The following IFT140 variants were observed in gnomAD, a reference collection of about 807,000 sequenced individuals.
The protein encoded by IFT140 is intraflagellar transport 140.
A neutral mutation model predicts 164.6 loss-of-function variants in IFT140; 133 were observed. The ratio of observed to expected loss-of-function variants is 0.81; its 90% CI spans 0.70 to 0.93. The LOEUF (loss-of-function observed/expected upper bound fraction) is 0.93. IFT140 is among the 40% of genes least tolerant of loss of function. The pLI is 0.00. For synonymous variants in IFT140, 860 were observed against 817.3 expected, an observed-to-expected ratio of 1.05 and a Z score of -0.89; for missense variants, 2,045 against 1,972.3, an observed-to-expected ratio of 1.04 and a Z score of -0.70.
At chr16:1,521,537 C>T (rs2040526925) in intron 26 of IFT140, among the ~76,000 whole-genome samples, 1 of 151,748 alleles carries the variant, frequency 6.6e-6, no homozygotes, top group Non-Finnish European at 1.5e-5. Context: ...TACAGGCGCC[C>T]GCCACCATGC....
chr16:1,515,068 A>G (rs1241138655), intron 30 of IFT140, among the ~76,000 whole-genome samples: 1 of 152,180 alleles, frequency 6.6e-6, no homozygotes, highest in Admixed American at 6.5e-5. Context: ...AAAGAAAATA[A>G]TGAGCAGTAA....
At chr16:1,541,190 A>C in intron 19 of IFT140, 1 of 985,438 alleles carries the variant, frequency 1.0e-6, no homozygotes. Context: ...AAGGCTGGGC[A>C]CAGGCCTGCT....
rs1167024212 is a variant in IFT140 at position 1,523,523 on chromosome 16, T to G, written c.3448A>C (p.Arg1150=). Residue 1150 remains arginine, a synonymous_variant, in exon 26 of 31, where the codon AGG becomes CGG. Coordinates refer to ENST00000426508, the MANE Select transcript of IFT140 (RefSeq NM_014714.4). ...AGGCCCCGCTGGCCCCGTACCTTCC[T>G]GGCAGCCAGCAGCAGCTCTACCGCC... ...ERAVELLLAA[R]KYQEALQLCL... The G allele has an allele frequency of 1.2e-6, 2 of 1,610,622 alleles. No homozygotes were observed. The highest frequency in any genetic ancestry group is 3.4e-4 in the Middle Eastern group (2 of 5,914).
intron 4 of IFT140, among the ~76,000 whole-genome samples, chr16:1,595,603 GAA>G (rs548658471): frequency 3.6e-5 from 3 of 82,488 alleles, no homozygotes; most frequent in Admixed American, 1.1e-4. Context: ...CTCCATCTCA[GAA>G]AAAAAAAAAA....
intron 19 of IFT140, among the ~76,000 whole-genome samples, chr16:1,554,337 C>A (rs2032916220): frequency 6.6e-6 from 1 of 152,222 alleles, no homozygotes; most frequent in Admixed American, 6.5e-5. Flanking sequence ...ATGAATTAAG[C>A]ATTTACAAAA....
intron 19 of IFT140, chr16:1,542,181 C>A: frequency 1.6e-6 from 2 of 1,285,644 alleles, no homozygotes; most frequent in Non-Finnish European, 2.1e-6. Context: ...AAGCTGCAGG[C>A]CATACCTCTC....
At chr16:1,519,736 T>TG in intron 29 of IFT140, 145 bp downstream of exon 29, 2 of 677,062 alleles carry the variant, frequency 3.0e-6, no homozygotes, top group Non-Finnish European at 2.2e-6. Context: ...CAGGAGGAGG[T>TG]GGGGTGTGTC....
Position 1,569,017 on chromosome 16 carries a change from T to C in IFT140, c.1653-683A>G, listed in dbSNP as rs1344185807. 5.3e-5 allele frequency among the ~76,000 whole-genome samples: 8 copies of C among 150,762 alleles called. No homozygotes were observed. In the East Asian group the frequency reaches 1.6e-3, roughly 30 times the overall value. On this transcript the variant is annotated intron_variant, in intron 14 of 30. Transcript: ENST00000426508. ...AGTGGTAGCTTGTTTTTTTTTTTTTTTTTTTGAGACGGAGTCTCGCCCTGT... is the reference window on the plus strand; with the variant it reads ...AGTGGTAGCTTGTTTTTTTTTTTTTCTTTTTGAGACGGAGTCTCGCCCTGT...
At chr16:1,566,855 C>A (rs942942656) in intron 15 of IFT140, among the ~76,000 whole-genome samples, 2 of 152,138 alleles carry the variant, frequency 1.3e-5, no homozygotes, top group African/African-American at 4.8e-5. Context: ...AGTGGCCCCA[C>A]CTCCCTGGCG....
chr16:1,517,569 G>A (rs1241626012), intron 30 of IFT140, among the ~76,000 whole-genome samples: 2 of 152,220 alleles, frequency 1.3e-5, no homozygotes, highest in African/African-American at 4.8e-5. Context: ...TGGTGGGGAT[G>A]AGGAAAACGC....
chr16:1,559,534 G>A (rs1897521420), intron 18 of IFT140, among the ~76,000 whole-genome samples: 1 of 152,188 alleles, frequency 6.6e-6, no homozygotes, highest in Admixed American at 6.5e-5. Flanking sequence ...AAGACGTCAT[G>A]GCTAGTCCTC....
intron 30 of IFT140, 196 bp downstream of exon 30, chr16:1,518,020 T>C (rs1417520105): frequency 4.0e-6 from 2 of 499,618 alleles, no homozygotes; most frequent in Non-Finnish European, 7.1e-6. Context: ...CCCCTTTTTG[T>C]AGAGATGGGG....
At chr16:1,560,271 G>A (rs952023580) in intron 18 of IFT140, among the ~76,000 whole-genome samples, 5 of 152,154 alleles carry the variant, frequency 3.3e-5, no homozygotes, top group African/African-American at 9.7e-5. Flanking sequence ...TGCCTCCACC[G>A]CAGGGAACAG....
chr16:1,512,073 A>G (rs2141097330), intron 30 of IFT140, among the ~76,000 whole-genome samples: 2 of 143,818 alleles, frequency 1.4e-5, no homozygotes, highest in South Asian at 4.8e-4. Context: ...AGGGCAATCA[A>G]GTGGTTTCCA....
intron 30 of IFT140, among the ~76,000 whole-genome samples, chr16:1,512,495 T>C (rs895502438): frequency 6.6e-6 from 1 of 152,164 alleles, no homozygotes; most frequent in Non-Finnish European, 1.5e-5. Context: ...CTCGAGTTAC[T>C]AAATTCCACA....
At chr16:1,552,070 C>T (rs2032693143) in intron 19 of IFT140, among the ~76,000 whole-genome samples, 1 of 152,186 alleles carries the variant, frequency 6.6e-6, no homozygotes, top group South Asian at 2.1e-4. Context: ...ATGGGGGGCA[C>T]AATCCCTTTC....
rs562951061 is a variant in IFT140, at chr16:1,512,521, TAGAG to T, written c.4183-1375_4183-1372del. ...AAATTCCACAGGCTTCAAGCAACCA[TAGAG>T]AGAATAAAGAAGTTGGCGAAATATT... On this transcript the variant is annotated intron_variant, in intron 30 of 30. Coordinates refer to ENST00000426508, the MANE Select transcript of IFT140 (RefSeq NM_014714.4). Among the ~76,000 whole-genome samples, 8 of 152,236 alleles carry T rather than the reference TAGAG, an allele frequency of 5.3e-5. No individual in the cohort carries two copies. In the South Asian group the frequency reaches 1.0e-3, roughly 20 times the overall value.
At chr16:1,512,809 A>G (rs2040212325) in intron 30 of IFT140, among the ~76,000 whole-genome samples, 2 of 152,172 alleles carry the variant, frequency 1.3e-5, no homozygotes, top group African/African-American at 4.8e-5. Context: ...CCAAGCAACA[A>G]CAAAAAAGAA....
At chr16:1,584,452 G>A (rs1239992483) in intron 10 of IFT140, 32 bp from the exon 11 acceptor site, 1 of 1,550,682 alleles carries the variant, frequency 6.4e-7, no homozygotes, top group African/African-American at 1.4e-5. Flanking sequence ...GAAAGAACCA[G>A]ATGTGTGAAC....
Sources: allele counts gnomAD v4.1 joint callset (sites outside exome capture counted in the v4.1 genomes callset), GRCh38; gene constraint gnomAD v4.1.1; transcripts MANE v1.5; gene names NCBI Gene and HGNC (gene_info 2026-07-23, HGNC 2026-07-21).